ADGRB3: variants seen among roughly 807,000 people sequenced by gnomAD.
ADGRB3 encodes the protein adhesion G protein-coupled receptor B3.
A neutral mutation model predicts 193.4 loss-of-function variants in ADGRB3; 37 were observed. The ratio of observed to expected loss-of-function variants is 0.19; its 90% CI spans 0.15 to 0.25. The LOEUF (loss-of-function observed/expected upper bound fraction) is 0.25. Ranked by LOEUF, ADGRB3 falls within the 10% of genes least tolerant of loss-of-function variation. ADGRB3 has a pLI of 1.00. For missense variants in ADGRB3, 1,637 were observed against 1,852.9 expected (o/e 0.88, Z 2.14); for synonymous variants, 690 against 644.2 (o/e 1.07, Z -1.08).
chr6:69,382,771 C>T (rs968070420), intron 30 of ADGRB3, 60 bp from the exon 31 acceptor site: 24 of 1,267,478 alleles, frequency 1.9e-5, no homozygotes, highest in African/African-American at 3.1e-5. Context: ...TATTAAATCT[C>T]TCTTGTTTGA....
At chr6:68,774,830 A>G (rs773427035) in intron 3 of ADGRB3, among the ~76,000 whole-genome samples, 1 of 152,110 alleles carries the variant, frequency 6.6e-6, no homozygotes. Context: ...CAATAAGTCT[A>G]TCACAGAAAT....
intron 3 of ADGRB3, among the ~76,000 whole-genome samples, chr6:68,739,289 G>T (rs996709794): frequency 6.6e-6 from 1 of 152,126 alleles, no homozygotes; most frequent in Non-Finnish European, 1.5e-5. Flanking sequence ...AAAAGAACTG[G>T]CAAATTAATT....
intron 3 of ADGRB3, among the ~76,000 whole-genome samples, chr6:68,868,678 A>G (rs1327346827): frequency 6.6e-6 from 1 of 152,218 alleles, no homozygotes; most frequent in East Asian, 1.9e-4. Flanking sequence ...TATTTTGGGA[A>G]AAAATCTAGT....
chr6:69,380,963 T>C (rs1357298650), intron 30 of ADGRB3, among the ~76,000 whole-genome samples: 2 of 151,942 alleles, frequency 1.3e-5, no homozygotes, highest in Non-Finnish European at 2.9e-5. Flanking sequence ...TATTATAAGA[T>C]TCATTGCTAT....
intron 3 of ADGRB3, among the ~76,000 whole-genome samples, chr6:68,891,540 T>C (rs1417950274): frequency 2.6e-5 from 4 of 152,152 alleles, no homozygotes; most frequent in African/African-American, 9.7e-5. Context: ...GTAGATTATG[T>C]ATGATCAAAC....
intron 20 of ADGRB3, among the ~76,000 whole-genome samples, chr6:69,318,615 T>A (rs1407718894): frequency 6.6e-6 from 1 of 151,348 alleles, no homozygotes; most frequent in East Asian, 1.9e-4. Context: ...GACCCGGAAA[T>A]GGTAATGTGA....
At chr6:69,363,121 G>A (rs548898162) in intron 29 of ADGRB3, among the ~76,000 whole-genome samples, 1 of 152,006 alleles carries the variant, frequency 6.6e-6, no homozygotes, top group South Asian at 2.1e-4. Flanking sequence ...ACAATAGACT[G>A]TATTTCCAAG....
chr6:69,352,125 T>C (rs1021696636), intron 26 of ADGRB3, among the ~76,000 whole-genome samples: 20 of 152,344 alleles, frequency 1.3e-4, no homozygotes, highest in Non-Finnish European at 2.9e-4. Flanking sequence ...ACTTTCTTAA[T>C]GGTTTCCCCA....
intron 13 of ADGRB3, among the ~76,000 whole-genome samples, chr6:69,020,143 G>A (rs1770221118): frequency 6.6e-6 from 1 of 151,514 alleles, no homozygotes; most frequent in African/African-American, 2.4e-5. Flanking sequence ...TAGAAAAACA[G>A]AGAACTATTG....
chr6:69,254,118 T>C (rs1299269743), intron 20 of ADGRB3, among the ~76,000 whole-genome samples: 8 of 152,176 alleles, frequency 5.3e-5, no homozygotes. Flanking sequence ...TTTAACTTTA[T>C]TTACAGTAAA....
intron 26 of ADGRB3, among the ~76,000 whole-genome samples, chr6:69,343,826 C>A (rs1051787503): frequency 2.0e-5 from 3 of 152,098 alleles, no homozygotes; most frequent in African/African-American, 7.2e-5. Flanking sequence ...TGTTTAACAG[C>A]TAATAAGACA....
At chr6:69,105,057 A>G (rs12529810) in intron 17 of ADGRB3, among the ~76,000 whole-genome samples, 9,871 of 152,298 alleles carry the variant, frequency 0.065, 416 homozygotes, top group South Asian at 0.11. Context: ...ACTCAATACT[A>G]ATGGTAGTAG....
intron 29 of ADGRB3, among the ~76,000 whole-genome samples, chr6:69,370,825 A>G (rs1769692151): frequency 6.6e-6 from 1 of 152,156 alleles, no homozygotes; most frequent in Non-Finnish European, 1.5e-5. Flanking sequence ...TGTCCTGCTT[A>G]GTCACAGTGC....
At chr6:68,652,831 C>G (rs979881474) in intron 3 of ADGRB3, among the ~76,000 whole-genome samples, 1 of 152,034 alleles carries the variant, frequency 6.6e-6, no homozygotes, top group Non-Finnish European at 1.5e-5. Context: ...TTGGTGTTTA[C>G]ACATAATGAA....
At chr6:69,340,940 G>T (rs537773680) in intron 26 of ADGRB3, among the ~76,000 whole-genome samples, 1 of 152,154 alleles carries the variant, frequency 6.6e-6, no homozygotes, top group Non-Finnish European at 1.5e-5. Context: ...CAAATGACAT[G>T]AACTCATCCT....
At chr6:69,034,234 T>A (rs531701221) in intron 13 of ADGRB3, among the ~76,000 whole-genome samples, 5 of 152,024 alleles carry the variant, frequency 3.3e-5, no homozygotes, top group Admixed American at 1.3e-4. Context: ...TTCTACATAG[T>A]CACCTTTTGC....
intron 3 of ADGRB3, among the ~76,000 whole-genome samples, chr6:68,651,505 T>C (rs561832589): frequency 6.6e-6 from 1 of 152,136 alleles, no homozygotes; most frequent in Non-Finnish European, 1.5e-5. Flanking sequence ...ATAATAAATA[T>C]TACATGTGCT....
At chr6:68,812,750 G>A (rs1767538261) in intron 3 of ADGRB3, among the ~76,000 whole-genome samples, 2 of 151,420 alleles carry the variant, frequency 1.3e-5, no homozygotes, top group Non-Finnish European at 2.9e-5. Context: ...AGTTATACAC[G>A]TGCCATGGTG....
At chr6:68,678,702 G>T (rs1478479496) in intron 3 of ADGRB3, among the ~76,000 whole-genome samples, 1 of 150,908 alleles carries the variant, frequency 6.6e-6, no homozygotes, top group African/African-American at 2.4e-5. Context: ...GCATCTATTT[G>T]TGTGTGTGTG....
Sources: allele counts gnomAD v4.1 joint callset (sites outside exome capture counted in the v4.1 genomes callset), GRCh38; gene constraint gnomAD v4.1.1; transcripts MANE v1.5; gene names NCBI Gene and HGNC (gene_info 2026-07-23, HGNC 2026-07-21).